Variants in NRXN1 observed in about 807,000 individuals in gnomAD.
NRXN1 encodes the protein neurexin 1.
In NRXN1, 39 loss-of-function variants were observed where a neutral mutation model predicts 150.9. That is an observed-to-expected ratio of 0.26 (90% CI 0.20 to 0.34). The LOEUF (loss-of-function observed/expected upper bound fraction) is 0.34. Ranked by LOEUF, NRXN1 falls within the 10% of genes least tolerant of loss-of-function variation. The probability of loss-of-function intolerance (pLI) is 1.00; values close to 1 mark genes in which losing one functional copy is unlikely to be tolerated. For missense variants in NRXN1, 1,815 were observed against 1,949.9 expected (o/e 0.93, Z 1.30); for synonymous variants, 924 against 757.0 (o/e 1.22, Z -3.62).
At chr2:50,491,311 TA>T (rs1271473202) in intron 15 of NRXN1, among the ~76,000 whole-genome samples, 1 of 152,170 alleles carries the variant, frequency 6.6e-6, no homozygotes, top group Non-Finnish European at 1.5e-5. Context: ...GGGAGCTGAG[TA>T]ATAGCAACTG....
At chr2:50,505,229 C>G (rs1027028432) in intron 13 of NRXN1, among the ~76,000 whole-genome samples, 2 of 151,862 alleles carry the variant, frequency 1.3e-5, no homozygotes, top group Non-Finnish European at 2.9e-5. Flanking sequence ...CCAAAACACA[C>G]AAAACAAAAA....
At chr2:50,454,741 A>G (rs2087364291) in intron 17 of NRXN1, among the ~76,000 whole-genome samples, 1 of 151,918 alleles carries the variant, frequency 6.6e-6, no homozygotes, top group Non-Finnish European at 1.5e-5. Context: ...CAATCTTCAA[A>G]TATTACTGAG....
chr2:50,332,642 C>G (rs2076909505), intron 17 of NRXN1, among the ~76,000 whole-genome samples: 1 of 152,184 alleles, frequency 6.6e-6, no homozygotes, highest in Non-Finnish European at 1.5e-5. Context: ...TGTGAAGAAT[C>G]AGATGCTGTA....
chr2:50,326,720 T>C (rs190185969), intron 17 of NRXN1, among the ~76,000 whole-genome samples: 4 of 152,228 alleles, frequency 2.6e-5, no homozygotes, highest in African/African-American at 9.7e-5. Flanking sequence ...TACATAATTA[T>C]ATAGAGTTGA....
intron 2 of NRXN1, among the ~76,000 whole-genome samples, chr2:50,944,181 C>T (rs1328978762): frequency 1.3e-5 from 2 of 152,048 alleles, no homozygotes; most frequent in East Asian, 3.9e-4. Flanking sequence ...TTTAGTTTGC[C>T]AATTGTTGTG....
At chr2:50,259,862 G>C (rs1038053324) in intron 17 of NRXN1, among the ~76,000 whole-genome samples, 1 of 151,800 alleles carries the variant, frequency 6.6e-6, no homozygotes, top group Non-Finnish European at 1.5e-5. Context: ...ATTGTACTTA[G>C]TTGATCTGCT....
chr2:49,943,310 G>T (rs1021281991), intron 22 of NRXN1, among the ~76,000 whole-genome samples: 1 of 152,128 alleles, frequency 6.6e-6, no homozygotes, highest in Non-Finnish European at 1.5e-5. Context: ...GAGTGGTGGG[G>T]ACTTTTTGTC....
chr2:50,369,055 G>C (rs1394844276), intron 17 of NRXN1, among the ~76,000 whole-genome samples: 1 of 151,824 alleles, frequency 6.6e-6, no homozygotes, highest in African/African-American at 2.4e-5. Flanking sequence ...GATACATTTG[G>C]GTGTACCCTG....
rs181377216 is a variant in NRXN1, at chr2:50,143,061, G to A, written c.3547-51567C>T. On this transcript the variant is annotated intron_variant, in intron 18 of 22. Coordinates refer to ENST00000401669, the MANE Select transcript of NRXN1 (RefSeq NM_001330078.2). Reference sequence around the variant, plus strand: ...CTGTTTGGTTAACATTTTATACCATGCAATGTTAGGTTGAGAACTAAACCA... The same window carrying A: ...CTGTTTGGTTAACATTTTATACCATACAATGTTAGGTTGAGAACTAAACCA... 8.6e-5 allele frequency among the ~76,000 whole-genome samples: 13 copies of A among 151,868 alleles called. No homozygotes were observed. In the East Asian group the frequency reaches 1.4e-3, roughly 16 times the overall value.
chr2:50,182,133 G>C (rs2060767213), intron 18 of NRXN1, among the ~76,000 whole-genome samples: 1 of 65,332 alleles, frequency 1.5e-5, no homozygotes, highest in Admixed American at 1.6e-4. Context: ...TTTACTTTTA[G>C]ATTTTATCAA....
chr2:50,873,282 C>A (rs1678064279), intron 5 of NRXN1, among the ~76,000 whole-genome samples: 1 of 151,792 alleles, frequency 6.6e-6, no homozygotes, highest in South Asian at 2.1e-4. Context: ...TAAATAAAAG[C>A]AATACCCCTG....
At chr2:50,967,934 G>C (rs1191435723) in intron 2 of NRXN1, among the ~76,000 whole-genome samples, 1 of 151,880 alleles carries the variant, frequency 6.6e-6, no homozygotes, top group Non-Finnish European at 1.5e-5. Context: ...GCATAGCATA[G>C]AGCTCATGGA....
intron 5 of NRXN1, among the ~76,000 whole-genome samples, chr2:50,825,455 C>A (rs2105850423): frequency 6.6e-6 from 1 of 152,226 alleles, no homozygotes; most frequent in South Asian, 2.1e-4. Context: ...AGTTGATAAC[C>A]AATGACCAAT....
rs191444359 is a variant in NRXN1, at chr2:50,401,154, C to T, written c.3364+64288G>A. On this transcript the variant is annotated intron_variant, in intron 17 of 22. Transcript: ENST00000401669. ...AAATATGTTCATATTAGATACCAAG[C>T]GCTTTGTTTAGGCCTTCAGGTTCCT... Among the ~76,000 whole-genome samples the T allele has an allele frequency of 1.6e-4, 25 of 152,230 alleles. No individual in the cohort carries two copies. The East Asian group carries it at 2.5e-3, about 15-fold the overall frequency.
intron 17 of NRXN1, among the ~76,000 whole-genome samples, chr2:50,407,946 TA>T (rs1200002450): frequency 3.9e-5 from 6 of 152,184 alleles, no homozygotes; most frequent in Non-Finnish European, 8.8e-5. Context: ...TTCTCACTCA[TA>T]CTATTTTAAC....
At chr2:50,272,989 G>C (rs1020528251) in intron 17 of NRXN1, among the ~76,000 whole-genome samples, 12 of 152,024 alleles carry the variant, frequency 7.9e-5, no homozygotes, top group African/African-American at 2.9e-4. Flanking sequence ...GGAAGTTCAT[G>C]AATTTAAGAA....
At chr2:50,132,144 A>G (rs1705603304) in intron 18 of NRXN1, among the ~76,000 whole-genome samples, 1 of 152,190 alleles carries the variant, frequency 6.6e-6, no homozygotes, top group African/African-American at 2.4e-5. Context: ...AATTGTATAG[A>G]TCTAAAGGCA....
intron 9 of NRXN1, among the ~76,000 whole-genome samples, chr2:50,550,979 C>T (rs1196368035): frequency 6.6e-6 from 1 of 151,282 alleles, no homozygotes; most frequent in Non-Finnish European, 1.5e-5. Context: ...CCGCGCCCAG[C>T]CTCTTCTCAG....
chr2:50,001,889 T>C (rs1683990558), intron 21 of NRXN1, among the ~76,000 whole-genome samples: 2 of 152,014 alleles, frequency 1.3e-5, no homozygotes, highest in Non-Finnish European at 1.5e-5. Context: ...GGCTATGTTA[T>C]AAAGACTCCA....
Sources: allele counts gnomAD v4.1 joint callset (sites outside exome capture counted in the v4.1 genomes callset), GRCh38; gene constraint gnomAD v4.1.1; transcripts MANE v1.5; gene names NCBI Gene and HGNC (gene_info 2026-07-23, HGNC 2026-07-21).